Variants in CCNY observed in about 807,000 individuals in gnomAD.
The protein encoded by CCNY is cyclin-Y.
Under a neutral mutation model 42.8 loss-of-function variants are expected in CCNY, and 19 were observed. The ratio of observed to expected loss-of-function variants is 0.44; its 90% CI spans 0.31 to 0.65. CCNY has a LOEUF of 0.65. Ranked by LOEUF, CCNY falls within the 30% of genes least tolerant of loss-of-function variation. CCNY has a pLI of 0.07. For missense variants in CCNY, 370 were observed against 437.3 expected (o/e 0.85, Z 1.37); for synonymous variants, 165 against 162.7 (o/e 1.01, Z -0.11).
At chr10:35,297,490 C>T (rs1835485001) in intron 3 of CCNY, among the ~76,000 whole-genome samples, 1 of 152,102 alleles carries the variant, frequency 6.6e-6, no homozygotes. Flanking sequence ...GAAGTCCTGG[C>T]CAGAGCAATG....
chr10:35,545,213 C>G (rs777956421), intron 7 of CCNY, among the ~76,000 whole-genome samples: 4 of 152,206 alleles, frequency 2.6e-5, no homozygotes, highest in Non-Finnish European at 5.9e-5. Context: ...TACTCCCGGA[C>G]TGTGGATTGC....
At chr10:35,552,030 A>G (rs1841268989) in intron 7 of CCNY, among the ~76,000 whole-genome samples, 1 of 152,250 alleles carries the variant, frequency 6.6e-6, no homozygotes, top group Non-Finnish European at 1.5e-5. Flanking sequence ...TATGTACCCA[A>G]AAGAATTAAA....
intron 7 of CCNY, among the ~76,000 whole-genome samples, chr10:35,545,507 C>G (rs1841094026): frequency 6.6e-6 from 1 of 152,202 alleles, no homozygotes; most frequent in African/African-American, 2.4e-5. Context: ...ATGTCTGTCT[C>G]CAAGTTTCCC....
intron 3 of CCNY, among the ~76,000 whole-genome samples, chr10:35,281,932 T>C (rs1237374351): frequency 6.6e-6 from 1 of 152,176 alleles, no homozygotes; most frequent in Admixed American, 6.5e-5. Flanking sequence ...GATCTGCATA[T>C]TTCTTAATCT....
chr10:35,465,938 A>AGAGAGAGAGAGAGAGG, intron 1 of CCNY, among the ~76,000 whole-genome samples: 1 of 80,960 alleles, frequency 1.2e-5, no homozygotes, highest in African/African-American at 4.4e-5. Flanking sequence ...AGAGAGAGAG[A>AGAGAGAGAGAGAGAGG]GTGTGTGTGT....
At chr10:35,508,551 C>A (rs1840260041) in intron 3 of CCNY, among the ~76,000 whole-genome samples, 1 of 152,280 alleles carries the variant, frequency 6.6e-6, no homozygotes, top group African/African-American at 2.4e-5. Context: ...GGTCTGGACA[C>A]CATGTGTGCT....
intron 7 of CCNY, among the ~76,000 whole-genome samples, chr10:35,537,688 C>T (rs1840913696): frequency 6.6e-6 from 1 of 152,036 alleles, no homozygotes; most frequent in African/African-American, 2.4e-5. Flanking sequence ...CAATTTTTCC[C>T]CTTTGGAATG....
Position 35,348,382 on chromosome 10 carries a change from T to A in CCNY, c.154+11175T>A, listed in dbSNP as rs115644131. Among the ~76,000 whole-genome samples, 1,027 of 152,340 alleles carry A rather than the reference T, an allele frequency of 6.7e-3. 10 individuals carry two copies. Among genetic ancestry groups the A allele is most frequent in the African/African-American group, 0.024 (981 of 41,572 alleles). On this transcript the variant is annotated intron_variant, in intron 1 of 9. Transcript: ENST00000374704. The stretch of plus-strand genomic sequence containing the variant: ...AGGCATAACCACGGAGGGGTCCATC[T>A]GAGGGCTGCTTTGCGAACCACTGGC...
At chr10:35,567,905 C>A (rs1479722600) in intron 9 of CCNY, among the ~76,000 whole-genome samples, 1 of 152,164 alleles carries the variant, frequency 6.6e-6, no homozygotes, top group Non-Finnish European at 1.5e-5. Flanking sequence ...AAATGGAAAA[C>A]CCTCCCTCTG....
intron 1 of CCNY, among the ~76,000 whole-genome samples, chr10:35,349,833 C>G (rs777110040): frequency 6.6e-6 from 1 of 152,208 alleles, no homozygotes. Flanking sequence ...GAAATCTCCC[C>G]TGAGAGGGCA....
chr10:35,349,142 G>T (rs1270176957), intron 1 of CCNY, among the ~76,000 whole-genome samples: 1 of 152,288 alleles, frequency 6.6e-6, no homozygotes, highest in South Asian at 2.1e-4. Context: ...TTTGGTATCT[G>T]CAGGGGTCCT....
At chr10:35,299,643 G>A (rs1482781502) in intron 3 of CCNY, among the ~76,000 whole-genome samples, 1 of 151,954 alleles carries the variant, frequency 6.6e-6, no homozygotes, top group Non-Finnish European at 1.5e-5. Flanking sequence ...ACATTCTTGT[G>A]TCTGTATAAA....
At chr10:35,549,304 G>T (rs1841191565) in intron 7 of CCNY, among the ~76,000 whole-genome samples, 1 of 152,162 alleles carries the variant, frequency 6.6e-6, no homozygotes, top group South Asian at 2.1e-4. Flanking sequence ...GGGGTGGGGG[G>T]TTCTGCAGAG....
At chr10:35,305,797 T>C (rs752718280) in intron 3 of CCNY, among the ~76,000 whole-genome samples, 1 of 152,186 alleles carries the variant, frequency 6.6e-6, no homozygotes, top group Non-Finnish European at 1.5e-5. Context: ...AATTTCCTGA[T>C]TGGGATCTGG....
chr10:35,318,661 CT>C (rs962728685), intron 3 of CCNY, among the ~76,000 whole-genome samples: 31 of 151,704 alleles, frequency 2.0e-4, no homozygotes, highest in Admixed American at 3.3e-4. Context: ...AAAGCAAGGG[CT>C]TTTTTTTGTT....
At chr10:35,535,696 A>C (rs1031014792) in intron 7 of CCNY, among the ~76,000 whole-genome samples, 1 of 152,178 alleles carries the variant, frequency 6.6e-6, no homozygotes, top group Non-Finnish European at 1.5e-5. Context: ...TCTTCTTGTC[A>C]TTATTCCCTA....
intron 3 of CCNY, among the ~76,000 whole-genome samples, chr10:35,307,818 A>ATTT (rs1241404700): frequency 8.9e-4 from 86 of 96,138 alleles, no homozygotes; most frequent in African/African-American, 1.6e-3. Flanking sequence ...ATATATATAT[A>ATTT]TTTTTTTTTT....
At chr10:35,562,884 C>T (rs555735261) in intron 8 of CCNY, among the ~76,000 whole-genome samples, 17 of 151,054 alleles carry the variant, frequency 1.1e-4, no homozygotes, top group Non-Finnish European at 2.5e-4. Context: ...TTTTTAACAT[C>T]ATTTTAGAGT....
chr10:35,547,447 T>C (rs537407540), intron 7 of CCNY, among the ~76,000 whole-genome samples: 87 of 152,138 alleles, frequency 5.7e-4, no homozygotes, highest in Admixed American at 1.2e-3. Flanking sequence ...TCCTGGGCCT[T>C]ATTTGAAGGT....
Sources: gnomAD v4.1 joint callset for allele counts (sites outside exome capture counted in the v4.1 genomes callset) on GRCh38, gnomAD v4.1.1 for gene constraint, MANE v1.5 for transcripts, NCBI Gene and HGNC (gene_info 2026-07-23, HGNC 2026-07-21) for gene names.